Variants in BUB1 observed in about 807,000 individuals in gnomAD.
The protein encoded by BUB1 is BUB1 mitotic checkpoint serine/threonine kinase, also known as mitotic checkpoint serine/threonine-protein kinase BUB1.
BUB1 carries 84 observed loss-of-function variants against 135.2 expected under a neutral mutation model. The ratio of observed to expected loss-of-function variants is 0.62; its 90% CI spans 0.52 to 0.74. BUB1 has a LOEUF of 0.74. Among genes scored for constraint, BUB1 ranks in the 30% least tolerant of loss-of-function variants. BUB1 has a pLI of 0.00. For synonymous variants in BUB1, 403 were observed against 434.4 expected (o/e 0.93, Z 0.90); for missense variants, 1,162 against 1,288.3 (o/e 0.90, Z 1.50).
At chr2:110,640,933 A>C in intron 23 of BUB1, 101 bp downstream of exon 23, 1 of 1,293,482 alleles carries the variant, frequency 7.7e-7, no homozygotes, top group African/African-American at 1.5e-5. Flanking sequence ...ACTGCTCCTC[A>C]AAAGACCACC....
intron 9 of BUB1, 88 bp downstream of exon 9, chr2:110,666,175 T>C (rs765286467): frequency 8.1e-7 from 1 of 1,232,616 alleles, no homozygotes; most frequent in Non-Finnish European, 1.0e-6. Context: ...ACATCAGAAT[T>C]AACTCTAAAA....
Position 110,669,442 on chromosome 2 carries a change from G to C in BUB1, c.567+11C>G. On this transcript the variant is annotated intron_variant, in intron 6 of 24. Coordinates refer to ENST00000302759, the MANE Select transcript of BUB1 (RefSeq NM_004336.5). Reference sequence around the variant, plus strand: ...CCCAGTTTCCACACAAGCTACAAATGTCATTATTACCTGATTCTTAGAAAT... The same window carrying C: ...CCCAGTTTCCACACAAGCTACAAATCTCATTATTACCTGATTCTTAGAAAT... 6.4e-7 allele frequency: 1 copy of C among 1,555,292 alleles called. No homozygotes were observed. Among genetic ancestry groups the C allele is most frequent in the Non-Finnish European group, 8.9e-7 (1 of 1,126,512 alleles).
At chr2:110,641,574 G>T (rs561933698) in intron 21 of BUB1, 68 bp downstream of exon 21, 9 of 1,564,136 alleles carry the variant, frequency 5.8e-6, no homozygotes, top group Admixed American at 5.5e-5. Flanking sequence ...AACCACAAAA[G>T]TACGTGCAAG....
chr2:110,674,268 T>A, intron 2 of BUB1, 38 bp downstream of exon 2: 1 of 1,613,278 alleles, frequency 6.2e-7, no homozygotes, highest in Non-Finnish European at 8.5e-7. Flanking sequence ...GGGCAGTGTA[T>A]AGTTTGTTTA....
chr2:110,662,418 G>A (rs549774281), intron 9 of BUB1, among the ~76,000 whole-genome samples: 69 of 152,208 alleles, frequency 4.5e-4, no homozygotes, highest in Non-Finnish European at 8.4e-4. Flanking sequence ...TCACATCAGT[G>A]TAAGACTGTA....
intron 10 of BUB1, 26 bp from the exon 11 acceptor site, chr2:110,660,062 A>C (rs1690039105): frequency 1.3e-6 from 2 of 1,590,368 alleles, no homozygotes; most frequent in Non-Finnish European, 8.6e-7. Context: ...CTTGAGACAC[A>C]CTAGAGAATA....
intron 9 of BUB1, among the ~76,000 whole-genome samples, chr2:110,665,571 T>TTG (rs34442113): frequency 0.097 from 13,613 of 141,022 alleles, 605 homozygotes; most frequent in South Asian, 0.13. Context: ...AAAAGAATGT[T>TTG]TGTGTGTGTG....
intron 15 of BUB1, 49 bp from the exon 16 acceptor site, chr2:110,655,965 T>C (rs758297645): frequency 6.5e-7 from 1 of 1,548,510 alleles, no homozygotes; most frequent in East Asian, 2.2e-5. Flanking sequence ...CCCTCTTTAG[T>C]CCATGAAACC....
Position 110,657,059 on chromosome 2 carries a change from T to G in BUB1, c.1675A>C (p.Ser559Arg), listed in dbSNP as rs771421683. The G allele has an allele frequency of 1.2e-6, 2 of 1,613,264 alleles. No homozygotes were observed. The highest frequency in any genetic ancestry group is 2.7e-5 in the African/African-American group (2 of 74,926). Reference protein sequence around the residue: ...GARTFGERSVSRLPSKPKEEV... With the variant: ...GARTFGERSVRRLPSKPKEEV... ...ACCTTTGGTTTTGAAGGAAGTCTGC[T>G]GACAGAGCGTTCTCCAAAGGTCCTG... is the stretch of plus-strand genomic sequence containing the variant. Residue 559 changes from serine (S) to arginine (R), a missense_variant, in exon 15 of 25, where the codon AGC (serine) becomes CGC (arginine). By Grantham distance (110) the Ser-to-Arg change is moderately radical. Transcript: ENST00000302759.
At chr2:110,656,399 CCTT>C (rs1173411035) in intron 15 of BUB1, among the ~76,000 whole-genome samples, 20 of 152,268 alleles carry the variant, frequency 1.3e-4, no homozygotes, top group Non-Finnish European at 2.4e-4. Context: ...TTCTTAGCCT[CCTT>C]GAGTCTGTCA....
chr2:110,641,732 C>G lies in BUB1; in HGVS notation c.2535G>C (p.Met845Ile), dbSNP rs1194543763. The change falls in exon 21 of 25, where the codon ATG becomes ATC. Residue 845 changes from methionine (M) to isoleucine (I), a missense_variant. Met to Ile is a conservative substitution (Grantham distance 10, BLOSUM62 1). Transcript: ENST00000302759. ...AATAGAACTTCATAAACATGTGCTGCATAGATGGCTTTAGTCTTTCCATCA... is the reference window on the plus strand; with the variant it reads ...AATAGAACTTCATAAACATGTGCTGGATAGATGGCTTTAGTCTTTCCATCA... ...TQLMERLKPSMQHMFMKFYSA... is the reference protein window; with the variant it reads ...TQLMERLKPSIQHMFMKFYSA... 6.2e-7 allele frequency: 1 copy of G among 1,612,256 alleles called. No homozygotes were observed. The highest frequency in any genetic ancestry group is 1.3e-5 in the African/African-American group (1 of 74,916).
chr2:110,665,205 C>T (rs142796035), intron 9 of BUB1, among the ~76,000 whole-genome samples: 11 of 152,274 alleles, frequency 7.2e-5, no homozygotes, highest in East Asian at 5.8e-4. Flanking sequence ...TTATGTAGAA[C>T]GTTCTATTGT....
rs544826357 is a variant in BUB1 at position 110,672,651 on chromosome 2, T to A, written c.422+10A>T. ...CAGAATCATCACAGAGAGTTTGACT[T>A]TGTAACTACCTGTATTGTTGTTGCA... On this transcript the variant is annotated intron_variant, in intron 4 of 24. Transcript: ENST00000302759. 6.4e-7 allele frequency: 1 copy of A among 1,552,706 alleles called. No individual in the cohort carries two copies. Among genetic ancestry groups the A allele is most frequent in the African/African-American group, 1.4e-5 (1 of 72,640 alleles).
At chr2:110,645,241 C>T (rs1180236974) in intron 19 of BUB1, among the ~76,000 whole-genome samples, 1 of 151,950 alleles carries the variant, frequency 6.6e-6, no homozygotes, top group Admixed American at 6.6e-5. Flanking sequence ...TGAGACCAGC[C>T]TGACCAATAT....
At position 110,658,699 on chromosome 2, in the gene BUB1, T is replaced by A. The variant is rs748107790; in HGVS notation, c.1320A>T (p.Thr440=). The A allele has an allele frequency of 1.2e-6, 2 of 1,614,122 alleles. No individual in the cohort carries two copies. The highest frequency in any genetic ancestry group is 2.7e-5 in the African/African-American group (2 of 74,944). ...HKVANTSSFH[T]TPNTSLGMVQ... ...CCATTCCCAGTGATGTGTTTGGAGT[T>A]GTGTGAAAAGAACTTGTGTTGGCAA... The change falls in exon 12 of 25, where the codon ACA becomes ACT. Residue 440 remains threonine (T), a synonymous_variant. Coordinates refer to ENST00000302759, the MANE Select transcript of BUB1 (RefSeq NM_004336.5).
At chr2:110,661,929 C>T (rs1690112033) in intron 9 of BUB1, 88 bp from the exon 10 acceptor site, 11 of 1,467,178 alleles carry the variant, frequency 7.5e-6, no homozygotes, top group Middle Eastern at 1.8e-4. Flanking sequence ...CAAAGCATGG[C>T]ATCTGTCTTC....
At chr2:110,645,209 G>A (rs754931144) in intron 19 of BUB1, among the ~76,000 whole-genome samples, 5 of 152,006 alleles carry the variant, frequency 3.3e-5, no homozygotes, top group Non-Finnish European at 7.4e-5. Flanking sequence ...CAAGGAAGGC[G>A]GATCACCTGA....
chr2:110,667,406 A>G, intron 8 of BUB1, 115 bp downstream of exon 8: 1 of 1,136,004 alleles, frequency 8.8e-7, no homozygotes, highest in South Asian at 1.7e-5. Context: ...GATGAGATGA[A>G]GACTTTCTTG....
chr2:110,663,514 A>T (rs914144841), intron 9 of BUB1, among the ~76,000 whole-genome samples: 3 of 152,192 alleles, frequency 2.0e-5, no homozygotes, highest in Non-Finnish European at 2.9e-5. Context: ...GAGAAGTTTG[A>T]AAAAGGGAGG....
Sources: gnomAD v4.1 joint callset for allele counts (sites outside exome capture counted in the v4.1 genomes callset) on GRCh38, gnomAD v4.1.1 for gene constraint, MANE v1.5 for transcripts, NCBI Gene and HGNC (gene_info 2026-07-23, HGNC 2026-07-21) for gene names.